The following ARHGEF18 variants were observed in gnomAD, a reference collection of about 807,000 sequenced individuals.
ARHGEF18 encodes the protein Rho/Rac guanine nucleotide exchange factor 18, also known as rho guanine nucleotide exchange factor 18.
ARHGEF18 carries 93 observed loss-of-function variants against 155.7 expected under a neutral mutation model. That is an observed-to-expected ratio of 0.60 (90% CI 0.50 to 0.71). The LOEUF (loss-of-function observed/expected upper bound fraction) is 0.71, where lower values mean the gene tolerates loss of function less well. ARHGEF18 is among the 30% of genes least tolerant of loss of function. The pLI is 0.00. For missense variants in ARHGEF18, 1,593 were observed against 1,816.1 expected, an observed-to-expected ratio of 0.88 and a Z score of 2.23; for synonymous variants, 742 against 753.1, an observed-to-expected ratio of 0.99 and a Z score of 0.24.
At position 7,470,947 on chromosome 19, in the gene ARHGEF18, C is replaced by T. The variant is rs1976989341; in HGVS notation, c.*649C>T. 1 of 400,448 alleles carries T rather than the reference C, an allele frequency of 2.5e-6. No homozygotes were observed. Among genetic ancestry groups the T allele is most frequent in the African/African-American group, 2.1e-5 (1 of 48,684 alleles). The allele number at this position is 400,448 out of a possible 1,614,324, so 24.8% of individuals were successfully genotyped here. A position where few individuals can be genotyped will look rare whatever the true frequency, so the allele number is the denominator to read the frequency against. On this transcript the variant is annotated 3_prime_UTR_variant, in exon 29 of 29. Transcript: ENST00000668164. This position sits in a 1 kb window ranked among gnomAD's most constrained non-coding sequence, Gnocchi z 5.9. The stretch of plus-strand genomic sequence containing the variant: ...GCCCACTGAGGGAACATCAGTGGCC[C>T]TCCAGTCAGGTTCTGTGGGTTTGGA...
At chr19:7,356,271 CTTT>C (rs111791378) in intron 1 of ARHGEF18, among the ~76,000 whole-genome samples, 4 of 139,968 alleles carry the variant, frequency 2.9e-5, no homozygotes, top group African/African-American at 7.9e-5. Context: ...GACACTTTTT[CTTT>C]TTTTTTTTTT....
intron 5 of ARHGEF18, among the ~76,000 whole-genome samples, chr19:7,377,236 A>G (rs936921937): frequency 1.3e-5 from 2 of 151,976 alleles, no homozygotes; most frequent in African/African-American, 4.8e-5. Context: ...ATGCCCGGCT[A>G]ATTTTTGTAT....
rs758222179 is a variant in ARHGEF18, at chr19:7,458,646, G to A, written c.2316G>A (p.Glu772=). The A allele has an allele frequency of 1.9e-6, 3 of 1,614,000 alleles. No individual in the cohort carries two copies. Among genetic ancestry groups the A allele is most frequent in the Non-Finnish European group, 2.5e-6 (3 of 1,180,004 alleles). Reference sequence around the variant, plus strand: ...ATGAAATCTACACGAGCTCCAAAGAGGACAGGAACGCCTGGATGGCCCACA... The same window carrying A: ...ATGAAATCTACACGAGCTCCAAAGAAGACAGGAACGCCTGGATGGCCCACA... ...EMYEIYTSSK[E]DRNAWMAHIQ... is the part of the protein sequence containing the mutation. The change falls in exon 19 of 29, where the codon GAG becomes GAA. Residue 772 remains glutamate (E), a synonymous_variant. Transcript: ENST00000668164.
intron 20 of ARHGEF18, among the ~76,000 whole-genome samples, chr19:7,460,686 T>A (rs2145878027): frequency 6.6e-6 from 1 of 152,190 alleles, no homozygotes; most frequent in South Asian, 2.1e-4. Flanking sequence ...GGTATTAAGG[T>A]TCGCCCGCGC....
At position 7,440,520 on chromosome 19, in the gene ARHGEF18, T is replaced by C; in HGVS notation, c.1106+38T>C. The C allele has an allele frequency of 1.3e-6, 2 of 1,564,912 alleles. No homozygotes were observed. Among genetic ancestry groups the C allele is most frequent in the Non-Finnish European group, 1.7e-6 (2 of 1,160,630 alleles). Reference sequence around the variant, plus strand: ...CCCCTCTGTGCCCTCGGGTGGGTGGTGGCATTCCCCGGGGAGCTGTTGACA... The same window carrying C: ...CCCCTCTGTGCCCTCGGGTGGGTGGCGGCATTCCCCGGGGAGCTGTTGACA... On this transcript the variant is annotated intron_variant, in intron 11 of 28. Transcript: ENST00000668164. The surrounding 1 kb of genome is among the most constrained non-coding windows in gnomAD (Gnocchi z 5.4).
intron 10 of ARHGEF18, among the ~76,000 whole-genome samples, chr19:7,385,833 A>ATC (rs762196307): frequency 0.026 from 1,341 of 51,966 alleles, 42 homozygotes; most frequent in Non-Finnish European, 0.035. Context: ...ATCTCTCTCT[A>ATC]TCTCTCTCTC....
chr19:7,417,713 A>T (rs962231916), intron 10 of ARHGEF18, among the ~76,000 whole-genome samples: 7 of 152,140 alleles, frequency 4.6e-5, no homozygotes, highest in Admixed American at 2.6e-4. Context: ...AATAAAATGA[A>T]AAAGAAGATG....
intron 10 of ARHGEF18, among the ~76,000 whole-genome samples, chr19:7,409,210 C>T (rs540770042): frequency 2.8e-4 from 42 of 150,992 alleles, no homozygotes; most frequent in African/African-American, 1.0e-3. Flanking sequence ...CAGGCGCCCA[C>T]CACCTCGCCC....
At chr19:7,370,412 C>T (rs1325441467) in intron 2 of ARHGEF18, among the ~76,000 whole-genome samples, 2 of 151,888 alleles carry the variant, frequency 1.3e-5, no homozygotes, top group Non-Finnish European at 1.5e-5. Flanking sequence ...AGGAGAATGG[C>T]GTGAACCCGG....
chr19:7,371,483 G>C (rs916878315), intron 2 of ARHGEF18, among the ~76,000 whole-genome samples: 1 of 152,086 alleles, frequency 6.6e-6, no homozygotes, highest in Non-Finnish European at 1.5e-5. Flanking sequence ...AGGAGTTTAA[G>C]ACCATCCTGG....
At chr19:7,353,836 C>T (rs1439794361) in intron 1 of ARHGEF18, among the ~76,000 whole-genome samples, 1 of 151,458 alleles carries the variant, frequency 6.6e-6, no homozygotes, top group Non-Finnish European at 1.5e-5. Context: ...GCCTGTGATC[C>T]CAGCTACTAG....
intron 10 of ARHGEF18, among the ~76,000 whole-genome samples, chr19:7,396,755 G>C (rs1971734610): frequency 6.6e-6 from 1 of 151,068 alleles, no homozygotes; most frequent in Non-Finnish European, 1.5e-5. Context: ...CTTGAGGTCA[G>C]ATCCGAGCTG....
Position 7,350,766 on chromosome 19 carries a change from GGGTGTGTGTGT to G in ARHGEF18, c.-111+1527_-111+1537del, listed in dbSNP as rs1969136207. Among the ~76,000 whole-genome samples the G allele has an allele frequency of 0.017, 110 of 6,442 alleles. 4 individuals carry two copies. In the South Asian group the frequency reaches 0.19, roughly 11 times the overall value. The allele number at this position is 6,442 out of a possible 152,430, so 4.2% of individuals were successfully genotyped here. A position where few individuals can be genotyped will look rare whatever the true frequency, so the allele number is the denominator to read the frequency against. ...AAAAGGCTGTTGAGTTTTTTGGGGTGGGTGTGTGTGTGTGTGTGTGTGTGTGTGTGTGTGTG... is the reference window on the plus strand; with the variant it reads ...AAAAGGCTGTTGAGTTTTTTGGGGTGGTGTGTGTGTGTGTGTGTGTGTGTG... On this transcript the variant is annotated intron_variant, in intron 1 of 28. Transcript: ENST00000668164.
Position 7,469,014 on chromosome 19 carries a change from C to T in ARHGEF18, c.3670C>T (p.Gln1224Ter). 6.2e-7 allele frequency: 1 copy of T among 1,600,894 alleles called. No homozygotes were observed. The highest frequency in any genetic ancestry group is 8.5e-7 in the Non-Finnish European group (1 of 1,174,718). Residue 1224 changes from glutamine to a stop codon, truncating the protein, a stop_gained, in exon 27 of 29, where the codon CAG becomes TAG. Coordinates refer to ENST00000668164, the MANE Select transcript of ARHGEF18 (RefSeq NM_001367823.1). LOFTEE classifies it high-confidence loss of function. Reference protein sequence around the residue: ...VPIQLLSATNQFQRQAAVQQQ... With the variant: ...VPIQLLSATN ...CATCCAGCTGCTCAGCGCCACCAAC[C>T]AGTTCCAGAGGCAGGCGGCCGTGCA...
intron 2 of ARHGEF18, among the ~76,000 whole-genome samples, chr19:7,366,495 C>A (rs1046169188): frequency 1.3e-5 from 2 of 152,228 alleles, no homozygotes; most frequent in Admixed American, 1.3e-4. Context: ...CCAGCTCCTA[C>A]TCAGTCCTCA....
chr19:7,477,367 G>A, downstream of ARHGEF18: 1 of 1,559,684 alleles, frequency 6.4e-7, no homozygotes, highest in Non-Finnish European at 8.7e-7. Context: ...CGGCCAGGTT[G>A]CTGAGAAGTG....
In ARHGEF18 at chr19:7,470,745, G is replaced by A. The variant is rs890812821; in HGVS notation, c.*447G>A. On this transcript the variant is annotated 3_prime_UTR_variant, in exon 29 of 29. Coordinates refer to ENST00000668164, the MANE Select transcript of ARHGEF18 (RefSeq NM_001367823.1). The surrounding 1 kb of genome is among the most constrained non-coding windows in gnomAD (Gnocchi z 5.9). Reference sequence around the variant, plus strand: ...GGGCCACGCTCCACAGCCGCCGCGCGACAGTGGAGCCAAGGGTTAGGGCAC... The same window carrying A: ...GGGCCACGCTCCACAGCCGCCGCGCAACAGTGGAGCCAAGGGTTAGGGCAC... 27 of 400,812 alleles carry A rather than the reference G, an allele frequency of 6.7e-5. No individual in the cohort carries two copies. In the Admixed American group the frequency reaches 8.4e-4, roughly 12 times the overall value. The allele number at this position is 400,812 out of a possible 1,614,324, so 24.8% of individuals were successfully genotyped here.
chr19:7,379,294 C>T, intron 7 of ARHGEF18, 128 bp downstream of exon 7: 5 of 833,902 alleles, frequency 6.0e-6, no homozygotes, highest in Non-Finnish European at 6.3e-6. Flanking sequence ...TACAGTGGCT[C>T]ACGCCTGTAA....
chr19:7,463,702 G>A lies in ARHGEF18; in HGVS notation c.2636-116G>A, dbSNP rs1443347976. 16 of 1,287,602 alleles carry A rather than the reference G, an allele frequency of 1.2e-5. No individual in the cohort carries two copies. Among genetic ancestry groups the A allele is most frequent in the Admixed American group, 2.7e-5 (1 of 36,646 alleles). The allele number at this position is 1,287,602 out of a possible 1,614,324, so 79.8% of individuals were successfully genotyped here. ...CCACGGCACACAGAAGGGGGCAGGC[G>A]ATCACCACCCCAGTGAGTCCCTCCG... On this transcript the variant is annotated intron_variant, in intron 21 of 28. Coordinates refer to ENST00000668164, the MANE Select transcript of ARHGEF18 (RefSeq NM_001367823.1). This position sits in a 1 kb window ranked among gnomAD's most constrained non-coding sequence, Gnocchi z 5.2.
Sources: gnomAD v4.1 joint callset for allele counts (sites outside exome capture counted in the v4.1 genomes callset) on GRCh38, gnomAD v4.1.1 for gene constraint, Gnocchi (gnomAD v3.1) non-coding constraint, MANE v1.5 for transcripts, NCBI Gene and HGNC (gene_info 2026-07-23, HGNC 2026-07-21) for gene names.